CAMTA1: variants seen among roughly 807,000 people sequenced by gnomAD.
The protein encoded by CAMTA1 is calmodulin-binding transcription activator 1.
CAMTA1 carries 27 observed loss-of-function variants against 170.9 expected under a neutral mutation model. The observed-to-expected ratio is 0.16, with a 90% CI of 0.12 to 0.22. The LOEUF (loss-of-function observed/expected upper bound fraction) is 0.22. Among genes scored for constraint, CAMTA1 ranks in the 10% least tolerant of loss-of-function variants. The pLI is 1.00. For missense variants in CAMTA1, 1,619 were observed against 2,217.2 expected (o/e 0.73, Z 5.42); for synonymous variants, 833 against 891.5 (o/e 0.93, Z 1.17).
intron 14 of CAMTA1, 21 bp downstream of exon 14, chr1:7,737,030 G>C (rs1558257552): frequency 6.4e-7 from 1 of 1,567,598 alleles, no homozygotes; most frequent in South Asian, 1.1e-5. Context: ...GATTCCTGTA[G>C]CCCCCCCTTG....
intron 3 of CAMTA1, among the ~76,000 whole-genome samples, chr1:6,844,824 C>T (rs532606349): frequency 1.3e-5 from 2 of 151,870 alleles, no homozygotes; most frequent in South Asian, 2.1e-4. Context: ...AGAATACATA[C>T]GATCAGATTC....
chr1:7,498,448 T>C (rs917512359), intron 6 of CAMTA1, among the ~76,000 whole-genome samples: 1 of 150,858 alleles, frequency 6.6e-6, no homozygotes, highest in African/African-American at 2.4e-5. Context: ...TGAGTGTGTG[T>C]GAATGTGCAT....
chr1:6,891,156 C>T (rs977710974), intron 3 of CAMTA1, among the ~76,000 whole-genome samples: 3 of 152,126 alleles, frequency 2.0e-5, no homozygotes, highest in African/African-American at 4.8e-5. Flanking sequence ...ATTAGAAGGT[C>T]ATTAAAAAGG....
intron 22 of CAMTA1, among the ~76,000 whole-genome samples, chr1:7,761,857 C>CTT (rs148116709): frequency 1.4e-3 from 210 of 148,648 alleles, no homozygotes; most frequent in African/African-American, 4.1e-3. Flanking sequence ...ATCTAATTCA[C>CTT]TTTTTTTTTT....
At chr1:6,789,150 A>C (rs913230928) in intron 1 of CAMTA1, among the ~76,000 whole-genome samples, 1 of 152,158 alleles carries the variant, frequency 6.6e-6, no homozygotes, top group African/African-American at 2.4e-5. Context: ...GTTGACATAC[A>C]CAGAGCAACC....
intron 5 of CAMTA1, among the ~76,000 whole-genome samples, chr1:7,338,135 C>T (rs116558163): frequency 6.6e-6 from 1 of 152,064 alleles, no homozygotes; most frequent in Non-Finnish European, 1.5e-5. Flanking sequence ...GGAGGTGCCA[C>T]TTCCTCCTCC....
Position 7,281,691 on chromosome 1 carries a change from T to C in CAMTA1, c.438+32065T>C, listed in dbSNP as rs565598931. On this transcript the variant is annotated intron_variant, in intron 5 of 22. Transcript: ENST00000303635. ...TTTTAATATCACTGTCCATTCAATTTACCAGCTTGAATTTCACGGGGTATT... is the reference window on the plus strand; with the variant it reads ...TTTTAATATCACTGTCCATTCAATTCACCAGCTTGAATTTCACGGGGTATT... 2.8e-4 allele frequency among the ~76,000 whole-genome samples: 43 copies of C among 152,360 alleles called. 1 individual carries two copies. Among genetic ancestry groups the C allele is most frequent in the South Asian group, 2.1e-3 (10 of 4,830 alleles).
intron 4 of CAMTA1, among the ~76,000 whole-genome samples, chr1:7,110,850 G>C (rs1643988266): frequency 6.6e-6 from 1 of 152,208 alleles, no homozygotes; most frequent in Non-Finnish European, 1.5e-5. Flanking sequence ...CCCCTTAACT[G>C]TAGTGTCCTC....
chr1:7,695,271 C>A (rs1048783775), intron 11 of CAMTA1, among the ~76,000 whole-genome samples: 1 of 152,202 alleles, frequency 6.6e-6, no homozygotes, highest in African/African-American at 2.4e-5. Context: ...TTACACCCCT[C>A]CCCTGGAAAG....
intron 6 of CAMTA1, among the ~76,000 whole-genome samples, chr1:7,612,561 C>A (rs886330469): frequency 3.5e-4 from 54 of 152,190 alleles, no homozygotes; most frequent in Admixed American, 2.0e-3. Context: ...GGTTTCCAGG[C>A]TTGAGGGCGG....
At chr1:7,553,203 ATGAG>A (rs1306606334) in intron 6 of CAMTA1, among the ~76,000 whole-genome samples, 2 of 152,152 alleles carry the variant, frequency 1.3e-5, no homozygotes, top group East Asian at 1.9e-4. Flanking sequence ...GAATGCATGA[ATGAG>A]TGAATAAGTG....
At chr1:6,800,102 A>G (rs772548136) in intron 1 of CAMTA1, among the ~76,000 whole-genome samples, 1 of 152,066 alleles carries the variant, frequency 6.6e-6, no homozygotes, top group South Asian at 2.1e-4. Flanking sequence ...TTAATATACT[A>G]TATTTACTTT....
chr1:7,550,168 A>G (rs2094779684), intron 6 of CAMTA1, among the ~76,000 whole-genome samples: 1 of 152,092 alleles, frequency 6.6e-6, no homozygotes. Context: ...GAGCTGACCT[A>G]GTAACTTTGG....
At chr1:7,059,779 G>T (rs1707925381) in intron 3 of CAMTA1, among the ~76,000 whole-genome samples, 2 of 152,336 alleles carry the variant, frequency 1.3e-5, no homozygotes, top group East Asian at 1.9e-4. Flanking sequence ...GTTGAAAATA[G>T]AATAGAAATG....
chr1:7,176,626 T>C (rs979938652), intron 4 of CAMTA1, among the ~76,000 whole-genome samples: 4 of 152,204 alleles, frequency 2.6e-5, no homozygotes, highest in African/African-American at 9.7e-5. Context: ...GGGTTAGCCA[T>C]TGGGATAGAC....
intron 5 of CAMTA1, among the ~76,000 whole-genome samples, chr1:7,417,034 T>C (rs1391788397): frequency 1.3e-5 from 2 of 152,266 alleles, no homozygotes; most frequent in Non-Finnish European, 2.9e-5. Flanking sequence ...CTCCAGATCC[T>C]GTTTGCCTGG....
rs923233150 is a variant in CAMTA1 at position 6,953,400 on chromosome 1, G to A, written c.234+128190G>A. ...TCTCAGTTGGTCTTTGTTCTTTCTC[G>A]CCGCGTGAGTCCCCTGGTAGCCTTG... On this transcript the variant is annotated intron_variant, in intron 3 of 22. Coordinates refer to ENST00000303635, the MANE Select transcript of CAMTA1 (RefSeq NM_015215.4). Among the ~76,000 whole-genome samples, 3 of 152,188 alleles carry A rather than the reference G, an allele frequency of 2.0e-5. No individual in the cohort carries two copies. The South Asian group carries it at 6.2e-4, about 32-fold the overall frequency.
chr1:7,466,933 C>T (rs1421417997), intron 5 of CAMTA1, among the ~76,000 whole-genome samples: 1 of 152,152 alleles, frequency 6.6e-6, no homozygotes, highest in Non-Finnish European at 1.5e-5. Flanking sequence ...GCAAGAGGGA[C>T]CTGATCAATG....
chr1:7,620,391 A>G (rs1241996314), intron 6 of CAMTA1, among the ~76,000 whole-genome samples: 2 of 152,186 alleles, frequency 1.3e-5, no homozygotes, highest in Admixed American at 6.5e-5. Flanking sequence ...GCTTTCATCC[A>G]GGATACTCCC....
Sources: allele counts gnomAD v4.1 joint callset (sites outside exome capture counted in the v4.1 genomes callset), GRCh38; gene constraint gnomAD v4.1.1; transcripts MANE v1.5; gene names NCBI Gene and HGNC (gene_info 2026-07-23, HGNC 2026-07-21).